Variants in TVP23C observed in about 807,000 individuals in gnomAD.
TVP23C encodes trans-golgi network vesicle protein 23 homolog C.
In TVP23C, 19 loss-of-function variants were observed where a neutral mutation model predicts 28.7. The observed-to-expected ratio is 0.66, with a 90% CI of 0.46 to 0.97. TVP23C has a LOEUF of 0.97. Ranked by LOEUF, TVP23C falls within the 50% of genes least tolerant of loss-of-function variation. The pLI, the probability that TVP23C is intolerant of heterozygous loss-of-function variation, is 0.00. For synonymous variants in TVP23C, 68 were observed against 81.7 expected (o/e 0.83, Z 0.90); for missense variants, 186 against 241.3 (o/e 0.77, Z 1.52).
chr17:15,524,346 T>G (rs1308994752), intron 5 of TVP23C, among the ~76,000 whole-genome samples: 1 of 152,120 alleles, frequency 6.6e-6, no homozygotes, highest in Non-Finnish European at 1.5e-5. Context: ...AAACAGCCAT[T>G]GAGCATCTGT....
At position 15,540,558 on chromosome 17, in the gene TVP23C, C is replaced by A. The variant is rs1157690403; in HGVS notation, c.466G>T (p.Val156Leu). Residue 156 changes from valine (V) to leucine (L), a missense_variant, in exon 6 of 6, where the codon GTG becomes TTG. Around this residue, in one of 3 missense-constraint regions of TVP23C, gnomAD observed 74 missense variants for 96.0 expected, o/e 0.77. Coordinates refer to ENST00000518321, the MANE Select transcript of TVP23C (RefSeq NM_001135036.2). ...TGTAGCACCACACCCATAATAACCACCGCCTGGGACAAGGGAAAAAAATAA... is the reference window on the plus strand; with the variant it reads ...TGTAGCACCACACCCATAATAACCAACGCCTGGGACAAGGGAAAAAAATAA... ...LFSFTVKWLA[V>L]VIMGVVLQGA... 1.2e-5 allele frequency: 19 copies of A among 1,613,136 alleles called. No homozygotes were observed. Among genetic ancestry groups the A allele is most frequent in the Non-Finnish European group, 1.6e-5 (19 of 1,179,536 alleles).
intron 5 of TVP23C, among the ~76,000 whole-genome samples, chr17:15,525,682 ATG>A (rs1423821238): frequency 1.3e-5 from 2 of 151,756 alleles, no homozygotes. Flanking sequence ...GTGTGTGTGC[ATG>A]TGTGTGTGCA....
Position 15,546,979 on chromosome 17 carries a change from T to C in TVP23C, c.330+80A>G. The C allele has an allele frequency of 3.3e-6, 4 of 1,226,070 alleles. No individual in the cohort carries two copies. In the South Asian group the frequency reaches 6.2e-5, roughly 19 times the overall value. The allele number at this position is 1,226,070 out of a possible 1,614,324, so 75.9% of individuals were successfully genotyped here. ...TTGGTATAGTGTTTTTAATTCTGAA[T>C]ACTTCATCTTCCAGTATTTAAATAT... On this transcript the variant is annotated intron_variant, in intron 4 of 5. Transcript: ENST00000518321.
At chr17:15,540,686 A>G (rs1983374447) in intron 5 of TVP23C, 125 bp from the exon 6 acceptor site, 1 of 612,216 alleles carries the variant, frequency 1.6e-6, no homozygotes, top group Non-Finnish European at 3.0e-6. Context: ...CAAAGCCATG[A>G]TTGTGCCAGT....
intron 1 of TVP23C, among the ~76,000 whole-genome samples, chr17:15,559,313 TAAAA>T (rs56346847): frequency 3.8e-5 from 4 of 105,160 alleles, no homozygotes; most frequent in Admixed American, 1.1e-4. Context: ...GGTACAGATT[TAAAA>T]AAAAAAAAAA....
Position 15,553,845 on chromosome 17 carries a change from CAATG to C in TVP23C, c.96-20_96-17del. 1 of 1,613,028 alleles carries C rather than the reference CAATG, an allele frequency of 6.2e-7. No individual in the cohort carries two copies. The highest frequency in any genetic ancestry group is 8.5e-7 in the Non-Finnish European group (1 of 1,179,580). The stretch of plus-strand genomic sequence containing the variant: ...TACTGGATGTCTGAAAACCAAAACA[CAATG>C]AAAGAAATGCAATTACATTTTACTA... On this transcript the variant is annotated splice_polypyrimidine_tract_variant and intron_variant, in intron 2 of 5. Transcript: ENST00000518321.
chr17:15,542,124 T>C (rs1983436226), intron 5 of TVP23C, among the ~76,000 whole-genome samples: 1 of 152,188 alleles, frequency 6.6e-6, no homozygotes, highest in Non-Finnish European at 1.5e-5. Context: ...CAGCTCTACA[T>C]AGCTCCAAAC....
chr17:15,541,671 G>A (rs546429378), intron 5 of TVP23C, among the ~76,000 whole-genome samples: 1 of 152,192 alleles, frequency 6.6e-6, no homozygotes, highest in South Asian at 2.1e-4. Flanking sequence ...TAATGAACAG[G>A]TTCACATTCC....
rs1441046283 is a variant in TVP23C, at chr17:15,537,563, A to AC, written c.*2848dup. The AC allele has an allele frequency of 6.1e-6, 6 of 983,990 alleles. No homozygotes were observed. The African/African-American group carries it at 1.0e-4, about 17-fold the overall frequency. The allele number at this position is 983,990 out of a possible 1,614,324, so 61.0% of individuals were successfully genotyped here. On this transcript the variant is annotated 3_prime_UTR_variant, in exon 6 of 6. Coordinates refer to ENST00000518321, the MANE Select transcript of TVP23C (RefSeq NM_001135036.2). ...AATAAAATTTTATAAAGTAGTTAATACCACTGGCCCTAATTGTTTTCACTT... is the reference window on the plus strand; with the variant it reads ...AATAAAATTTTATAAAGTAGTTAATACCCACTGGCCCTAATTGTTTTCACTT...
chr17:15,537,861 G>T lies in TVP23C; in HGVS notation c.*2551C>A. 7.5e-7 allele frequency: 1 copy of T among 1,339,872 alleles called. No individual in the cohort carries two copies. The allele number at this position is 1,339,872 out of a possible 1,614,324, so 83.0% of individuals were successfully genotyped here. On this transcript the variant is annotated 3_prime_UTR_variant, in exon 6 of 6. Coordinates refer to ENST00000518321, the MANE Select transcript of TVP23C (RefSeq NM_001135036.2). Reference sequence around the variant, plus strand: ...GGATATACAGGTATTACATGGCCGTGTGCATACCTATGGAATGTGCATACC... The same window carrying T: ...GGATATACAGGTATTACATGGCCGTTTGCATACCTATGGAATGTGCATACC...
intron 2 of TVP23C, among the ~76,000 whole-genome samples, chr17:15,554,781 C>T (rs958795386): frequency 6.6e-6 from 1 of 152,094 alleles, no homozygotes; most frequent in African/African-American, 2.4e-5. Flanking sequence ...ACAGATTTGC[C>T]TATTCTGGAC....
chr17:15,539,920 C>A lies in TVP23C; in HGVS notation c.*492G>T, dbSNP rs1983337043. 28 of 669,024 alleles carry A rather than the reference C, an allele frequency of 4.2e-5. No homozygotes were observed. Among genetic ancestry groups the A allele is most frequent in the Non-Finnish European group, 5.0e-5 (27 of 535,588 alleles). The allele number at this position is 669,024 out of a possible 1,614,324, so 41.4% of individuals were successfully genotyped here. A position where few individuals can be genotyped will look rare whatever the true frequency, so the allele number is the denominator to read the frequency against. Reference sequence around the variant, plus strand: ...CATCCTGGCTAACATGATGAAATCCCATCTCTACTGAAAATACAAAAAATT... The same window carrying A: ...CATCCTGGCTAACATGATGAAATCCAATCTCTACTGAAAATACAAAAAATT... On this transcript the variant is annotated 3_prime_UTR_variant, in exon 6 of 6. Transcript: ENST00000518321.
At chr17:15,523,256 C>T (rs1272325652) in intron 5 of TVP23C, among the ~76,000 whole-genome samples, 3 of 151,560 alleles carry the variant, frequency 2.0e-5, no homozygotes, top group Non-Finnish European at 2.9e-5. Context: ...CCACCCACCT[C>T]GGCCTCCCAA....
intron 5 of TVP23C, among the ~76,000 whole-genome samples, chr17:15,521,142 C>T (rs1030920972): frequency 1.2e-4 from 18 of 151,778 alleles, no homozygotes; most frequent in Non-Finnish European, 2.4e-4. Flanking sequence ...ACTTGATACA[C>T]GGTTTCAATG....
intron 1 of TVP23C, among the ~76,000 whole-genome samples, chr17:15,557,616 G>A (rs1472320024): frequency 6.8e-6 from 1 of 146,516 alleles, no homozygotes; most frequent in Non-Finnish European, 1.5e-5. Context: ...TCTTTGCATT[G>A]TAGTAAATCC....
At chr17:15,563,355 G>A (rs1016012503) in intron 1 of TVP23C, 82 bp downstream of exon 1, 6 of 1,531,504 alleles carry the variant, frequency 3.9e-6, no homozygotes, top group African/African-American at 1.4e-5. Context: ...GCGGGCGCGG[G>A]GGACGCGGGC....
In TVP23C at chr17:15,545,844, A is replaced by C; in HGVS notation, c.403T>G (p.Ser135Ala). Residue 135 changes from serine to alanine, a missense_variant, in exon 5 of 6, where the codon TCA (serine) becomes GCA (alanine). Ser to Ala is a moderately conservative substitution (Grantham distance 99). Coordinates refer to ENST00000518321, the MANE Select transcript of TVP23C (RefSeq NM_001135036.2). Reference protein sequence around the residue: ...RIFWLGLIACSVLWVIFAFSA... With the variant: ...RIFWLGLIACAVLWVIFAFSA... ...AAGGCAAATATCACCCACAGTACTG[A>C]ACAGGCAATAAGTCCCAACCAAAAG... The C allele has an allele frequency of 6.7e-7, 1 of 1,487,402 alleles. No homozygotes were observed. 92.1% of individuals were successfully genotyped at this position (1,487,402 alleles called of 1,614,324 possible).
rs372266427 is a variant in TVP23C at position 15,539,372 on chromosome 17, C to T, written c.*1040G>A. On this transcript the variant is annotated 3_prime_UTR_variant, in exon 6 of 6. Coordinates refer to ENST00000518321, the MANE Select transcript of TVP23C (RefSeq NM_001135036.2). The stretch of plus-strand genomic sequence containing the variant: ...CCTGTAATCCCAGCACTTTGGGAGG[C>T]GGAGGCAGGCGGATCACGAGGTCAG... The T allele has an allele frequency of 1.9e-5, 16 of 847,642 alleles. No individual in the cohort carries two copies. The highest frequency in any genetic ancestry group is 2.3e-5 in the Non-Finnish European group (16 of 704,510). The allele number at this position is 847,642 out of a possible 1,614,324, so 52.5% of individuals were successfully genotyped here.
Position 15,551,224 on chromosome 17 carries a change from G to A in TVP23C, c.240+2461C>T, listed in dbSNP as rs1251191116. On this transcript the variant is annotated intron_variant, in intron 3 of 5. Coordinates refer to ENST00000518321, the MANE Select transcript of TVP23C (RefSeq NM_001135036.2). ...GCTCCGCCTCCTGCCTCAGCCTCCTGAATAGCTGGGACTACAGGCGCCTGC... is the reference window on the plus strand; with the variant it reads ...GCTCCGCCTCCTGCCTCAGCCTCCTAAATAGCTGGGACTACAGGCGCCTGC... Among the ~76,000 whole-genome samples the A allele has an allele frequency of 2.7e-5, 4 of 149,720 alleles. No homozygotes were observed. In the East Asian group the frequency reaches 7.9e-4, roughly 30 times the overall value.
Sources: allele counts gnomAD v4.1 joint callset (sites outside exome capture counted in the v4.1 genomes callset), GRCh38; gene constraint gnomAD v4.1.1; regional missense constraint gnomAD v4.1.1; transcripts MANE v1.5; gene names NCBI Gene and HGNC (gene_info 2026-07-23, HGNC 2026-07-21).